CACNA2D3: variants seen among roughly 807,000 people sequenced by gnomAD.
The protein encoded by CACNA2D3 is calcium voltage-gated channel auxiliary subunit alpha2delta 3.
A neutral mutation model predicts 160.6 loss-of-function variants in CACNA2D3; 60 were observed. The observed-to-expected ratio is 0.37, with a 90% CI of 0.30 to 0.46. The LOEUF (loss-of-function observed/expected upper bound fraction) is 0.46, where lower values mean the gene tolerates loss of function less well. Ranked by LOEUF, CACNA2D3 falls within the 20% of genes least tolerant of loss-of-function variation. The pLI is 1.00. For missense variants in CACNA2D3, 1,205 were observed against 1,365.0 expected (o/e 0.88, Z 1.85); for synonymous variants, 558 against 492.9 (o/e 1.13, Z -1.75).
At chr3:54,641,640 T>G (rs567234161) in intron 10 of CACNA2D3, among the ~76,000 whole-genome samples, 1 of 152,316 alleles carries the variant, frequency 6.6e-6, no homozygotes, top group East Asian at 1.9e-4. Flanking sequence ...GTAAAATACC[T>G]TGATTTCCTT....
intron 4 of CACNA2D3, among the ~76,000 whole-genome samples, chr3:54,394,173 G>A: frequency 6.6e-6 from 1 of 152,040 alleles, no homozygotes; most frequent in Non-Finnish European, 1.5e-5. Flanking sequence ...TCAGAGAAAG[G>A]CCAGTTCTGT....
At chr3:54,925,854 T>C (rs932036449) in intron 27 of CACNA2D3, among the ~76,000 whole-genome samples, 7 of 152,244 alleles carry the variant, frequency 4.6e-5, no homozygotes, top group African/African-American at 1.4e-4. Flanking sequence ...TCTAAAGCGC[T>C]GCTACGTATT....
At chr3:54,173,607 A>T (rs1700614242) in intron 2 of CACNA2D3, among the ~76,000 whole-genome samples, 1 of 152,202 alleles carries the variant, frequency 6.6e-6, no homozygotes, top group African/African-American at 2.4e-5. Flanking sequence ...TGAGAACAGC[A>T]CCTTGCTAAT....
At chr3:54,308,407 A>G (rs1703656430) in intron 2 of CACNA2D3, among the ~76,000 whole-genome samples, 1 of 152,168 alleles carries the variant, frequency 6.6e-6, no homozygotes. Context: ...TTCAAGAAGC[A>G]GGTACACTTT....
intron 14 of CACNA2D3, among the ~76,000 whole-genome samples, chr3:54,823,130 C>A (rs1703678434): frequency 6.6e-6 from 1 of 151,942 alleles, no homozygotes; most frequent in Non-Finnish European, 1.5e-5. Flanking sequence ...GCTGGGATTC[C>A]AGGTATGAGC....
At chr3:54,707,891 G>A (rs564539982) in intron 11 of CACNA2D3, among the ~76,000 whole-genome samples, 2 of 152,230 alleles carry the variant, frequency 1.3e-5, no homozygotes, top group Admixed American at 1.3e-4. Flanking sequence ...TGATGGAAAG[G>A]CCCTTCCAAA....
intron 2 of CACNA2D3, among the ~76,000 whole-genome samples, chr3:54,176,104 C>T (rs1008327938): frequency 6.6e-6 from 1 of 152,304 alleles, no homozygotes; most frequent in African/African-American, 2.4e-5. Context: ...GGGTCCTTTT[C>T]AGTTCAACAT....
chr3:54,471,252 C>G (rs1261429704), intron 4 of CACNA2D3, among the ~76,000 whole-genome samples: 2 of 152,198 alleles, frequency 1.3e-5, no homozygotes, highest in Non-Finnish European at 2.9e-5. Flanking sequence ...GAAACTCACT[C>G]AAAACCACAC....
rs1217029531 is a variant in CACNA2D3, at chr3:54,814,348, C to T, written c.1381-2505C>T. Among the ~76,000 whole-genome samples the T allele has an allele frequency of 3.9e-5, 6 of 152,242 alleles. No homozygotes were observed. In the East Asian group the frequency reaches 1.2e-3, roughly 29 times the overall value. ...TCATTCCACTTTACAGGCAAGCACA[C>T]TGGCCAGAGGCTGGAAGGCATATGC... On this transcript the variant is annotated intron_variant, in intron 13 of 37. Coordinates refer to ENST00000474759, the MANE Select transcript of CACNA2D3 (RefSeq NM_018398.3).
chr3:54,456,234 A>G (rs1405409163), intron 4 of CACNA2D3, among the ~76,000 whole-genome samples: 1 of 151,772 alleles, frequency 6.6e-6, no homozygotes, highest in Non-Finnish European at 1.5e-5. Flanking sequence ...GATTTCTTTC[A>G]TCAGTGTTCA....
intron 4 of CACNA2D3, among the ~76,000 whole-genome samples, chr3:54,483,584 T>C (rs983134331): frequency 3.9e-5 from 6 of 152,212 alleles, no homozygotes; most frequent in Non-Finnish European, 7.3e-5. Flanking sequence ...TTTTTTATTT[T>C]GATGTTTAAT....
At chr3:54,611,399 C>T (rs1476412757) in intron 9 of CACNA2D3, among the ~76,000 whole-genome samples, 3 of 152,166 alleles carry the variant, frequency 2.0e-5, no homozygotes, top group Non-Finnish European at 4.4e-5. Flanking sequence ...AATTTATGTC[C>T]CACTTCCAAA....
At chr3:54,775,084 T>C (rs1350764706) in intron 13 of CACNA2D3, among the ~76,000 whole-genome samples, 1 of 152,248 alleles carries the variant, frequency 6.6e-6, no homozygotes, top group Non-Finnish European at 1.5e-5. Flanking sequence ...AGCATTTATA[T>C]TAAGCCTATG....
chr3:54,838,131 T>C lies in CACNA2D3; in HGVS notation c.1471-437T>C, dbSNP rs1053334044. ...GGGTTATTATATATTTCTCTTGCTA[T>C]TTAGACTCTCTCTCCTGGGCACCAG... On this transcript the variant is annotated intron_variant, in intron 15 of 37. Coordinates refer to ENST00000474759, the MANE Select transcript of CACNA2D3 (RefSeq NM_018398.3). Among the ~76,000 whole-genome samples the C allele has an allele frequency of 2.0e-5, 3 of 152,212 alleles. No homozygotes were observed. In the East Asian group the frequency reaches 5.8e-4, roughly 29 times the overall value.
chr3:55,001,268 A>G (rs996224984), intron 31 of CACNA2D3, among the ~76,000 whole-genome samples: 1 of 152,210 alleles, frequency 6.6e-6, no homozygotes, highest in Admixed American at 6.5e-5. Flanking sequence ...GTCTATGCCA[A>G]TGAGCTAAGA....
At chr3:54,766,345 A>G (rs1315944513) in intron 13 of CACNA2D3, among the ~76,000 whole-genome samples, 1 of 152,188 alleles carries the variant, frequency 6.6e-6, no homozygotes, top group Non-Finnish European at 1.5e-5. Context: ...CACAAAAAAG[A>G]ATAAAAAATG....
intron 29 of CACNA2D3, among the ~76,000 whole-genome samples, chr3:54,982,862 T>C (rs1164133587): frequency 2.0e-5 from 3 of 152,046 alleles, no homozygotes; most frequent in Non-Finnish European, 4.4e-5. Context: ...CGACCAGAGG[T>C]CACACTCATC....
At chr3:54,530,586 C>T (rs1701791143) in intron 5 of CACNA2D3, among the ~76,000 whole-genome samples, 1 of 152,246 alleles carries the variant, frequency 6.6e-6, no homozygotes, top group Admixed American at 6.5e-5. Flanking sequence ...TGTAACATTA[C>T]TATTTTTGAA....
At chr3:54,497,603 T>A (rs1224796468) in intron 4 of CACNA2D3, among the ~76,000 whole-genome samples, 1 of 152,006 alleles carries the variant, frequency 6.6e-6, no homozygotes, top group Admixed American at 6.5e-5. Flanking sequence ...TGTTTATTTA[T>A]TTGTCTTACA....
Sources: gnomAD v4.1 joint callset for allele counts (sites outside exome capture counted in the v4.1 genomes callset) on GRCh38, gnomAD v4.1.1 for gene constraint, MANE v1.5 for transcripts, NCBI Gene and HGNC (gene_info 2026-07-23, HGNC 2026-07-21) for gene names.